The following STUM variants were observed in gnomAD, a reference collection of about 807,000 sequenced individuals.
The protein encoded by STUM is stum, mechanosensory transduction mediator homolog.
In STUM, 8 loss-of-function variants were observed where a neutral mutation model predicts 15.3. That is an observed-to-expected ratio of 0.52 (90% CI 0.31 to 0.94). STUM has a LOEUF of 0.94. Among genes scored for constraint, STUM ranks in the 40% least tolerant of loss-of-function variants. The probability of loss-of-function intolerance (pLI) is 0.05; values close to 1 mark genes in which losing one functional copy is unlikely to be tolerated. For synonymous variants in STUM, 78 were observed against 88.7 expected, an observed-to-expected ratio of 0.88 and a Z score of 0.68; for missense variants, 142 against 204.9, an observed-to-expected ratio of 0.69 and a Z score of 1.87.
At chr1:226,577,266 T>A (rs910178632) in intron 1 of STUM, among the ~76,000 whole-genome samples, 1 of 152,212 alleles carries the variant, frequency 6.6e-6, no homozygotes, top group Admixed American at 6.5e-5. Flanking sequence ...TTCTTGGGAC[T>A]GCTCTCCCTT....
chr1:226,597,854 C>T (rs1187857818), intron 2 of STUM, among the ~76,000 whole-genome samples: 1 of 152,174 alleles, frequency 6.6e-6, no homozygotes, highest in Non-Finnish European at 1.5e-5. Context: ...AGCTGCACTG[C>T]CAGGGTCTCC....
At chr1:226,561,523 G>C (rs1204971716) in intron 1 of STUM, among the ~76,000 whole-genome samples, 1 of 152,174 alleles carries the variant, frequency 6.6e-6, no homozygotes, top group Non-Finnish European at 1.5e-5. Flanking sequence ...GAACAGAGGA[G>C]AGTTGTTGCT....
In STUM at chr1:226,549,499, G is replaced by T. The variant is rs1443091143; in HGVS notation, c.202+393G>T. On this transcript the variant is annotated intron_variant, in intron 1 of 3. Transcript: ENST00000366788. The surrounding 1 kb of genome is among the most constrained non-coding windows in gnomAD (Gnocchi z 6.8). ...CCACTTCCCCGAGAGGAATGGGGTC[G>T]GATCAGAATGAGCTCTAGGGCCTCG... Among the ~76,000 whole-genome samples the T allele has an allele frequency of 6.6e-6, 1 of 152,132 alleles. No homozygotes were observed. Among genetic ancestry groups the T allele is most frequent in the African/African-American group, 2.4e-5 (1 of 41,444 alleles).
chr1:226,573,836 T>C (rs1412729769), intron 1 of STUM, among the ~76,000 whole-genome samples: 1 of 148,312 alleles, frequency 6.7e-6, no homozygotes, highest in East Asian at 2.0e-4. Flanking sequence ...GTGTACAATA[T>C]ACTTTTTTTT....
chr1:226,568,122 C>T (rs547462006), intron 1 of STUM, among the ~76,000 whole-genome samples: 3 of 152,342 alleles, frequency 2.0e-5, no homozygotes, highest in African/African-American at 7.2e-5. Flanking sequence ...CCACTATGCA[C>T]AGTCTCACAC....
chr1:226,585,468 G>A (rs1015607635), intron 1 of STUM, among the ~76,000 whole-genome samples: 1 of 152,166 alleles, frequency 6.6e-6, no homozygotes, highest in Admixed American at 6.5e-5. Context: ...TGTGCGTTTC[G>A]TAGATGGGGA....
At chr1:226,597,700 A>G (rs1456271353) in intron 2 of STUM, among the ~76,000 whole-genome samples, 1 of 152,244 alleles carries the variant, frequency 6.6e-6, no homozygotes, top group Non-Finnish European at 1.5e-5. Flanking sequence ...AAATGGCAGG[A>G]CCAGGGTCAG....
At chr1:226,554,061 C>A (rs1326303674) in intron 1 of STUM, among the ~76,000 whole-genome samples, 1 of 152,204 alleles carries the variant, frequency 6.6e-6, no homozygotes, top group Non-Finnish European at 1.5e-5. Flanking sequence ...CACTGATACC[C>A]GGTTTGGCCA....
chr1:226,601,871 G>T, intron 3 of STUM, 135 bp from the exon 4 acceptor site: 1 of 695,150 alleles, frequency 1.4e-6, no homozygotes, highest in Non-Finnish European at 2.6e-6. Flanking sequence ...GAAAAGTTGT[G>T]CTCTGATGGT....
intron 1 of STUM, among the ~76,000 whole-genome samples, chr1:226,571,153 C>A (rs905799431): frequency 3.3e-5 from 5 of 152,072 alleles, no homozygotes; most frequent in African/African-American, 4.8e-5. Flanking sequence ...TTTGCTTGAA[C>A]CCGGGAGACG....
In STUM at chr1:226,602,814, C is replaced by T. The variant is rs1668292950; in HGVS notation, c.*774C>T. On this transcript the variant is annotated 3_prime_UTR_variant, in exon 4 of 4. Transcript: ENST00000366788. ...AAGCAGGAGTGGGCAGACTAGCAGG[C>T]TTTCACCCAATACTTAACAGCATTT... The T allele has an allele frequency of 6.6e-6, 1 of 152,242 alleles. No homozygotes were observed. Among genetic ancestry groups the T allele is most frequent in the Admixed American group, 6.5e-5 (1 of 15,292 alleles). The allele number at this position is 152,242 out of a possible 1,614,324, so 9.4% of individuals were successfully genotyped here.
chr1:226,557,487 G>A (rs1667464413), intron 1 of STUM, among the ~76,000 whole-genome samples: 1 of 152,164 alleles, frequency 6.6e-6, no homozygotes, highest in African/African-American at 2.4e-5. Flanking sequence ...AATTTTTTGG[G>A]TAAATACCCA....
Position 226,565,084 on chromosome 1 carries a change from A to G in STUM, c.202+15978A>G, listed in dbSNP as rs1485588125. Among the ~76,000 whole-genome samples, 1 of 152,188 alleles carries G rather than the reference A, an allele frequency of 6.6e-6. No homozygotes were observed. The highest frequency in any genetic ancestry group is 2.4e-5 in the African/African-American group (1 of 41,430). On this transcript the variant is annotated intron_variant, in intron 1 of 3. Transcript: ENST00000366788. The surrounding 1 kb of genome is among the most constrained non-coding windows in gnomAD (Gnocchi z 4.4). ...GTCTTAGCCAATGGGAGGCACTGGT[A>G]GGCATGGAGGAAAGGAGGGAGAGTT... is the stretch of plus-strand genomic sequence containing the variant.
Position 226,568,796 on chromosome 1 carries a change from G to A in STUM, c.202+19690G>A, listed in dbSNP as rs145373699. On this transcript the variant is annotated intron_variant, in intron 1 of 3. Coordinates refer to ENST00000366788, the MANE Select transcript of STUM (RefSeq NM_001003665.4). Reference sequence around the variant, plus strand: ...TTCGCCCCTGCGACGTTGCTCTCTGGAGGACACCTCATTGCTCCAGGGACA... The same window carrying A: ...TTCGCCCCTGCGACGTTGCTCTCTGAAGGACACCTCATTGCTCCAGGGACA... Among the ~76,000 whole-genome samples, 462 of 152,388 alleles carry A rather than the reference G, an allele frequency of 3.0e-3. 4 individuals carry two copies. Among genetic ancestry groups the A allele is most frequent in the South Asian group, 0.023 (111 of 4,830 alleles).
intron 1 of STUM, among the ~76,000 whole-genome samples, chr1:226,584,939 C>T (rs1259118726): frequency 2.0e-5 from 3 of 152,128 alleles, no homozygotes; most frequent in African/African-American, 2.4e-5. Flanking sequence ...ACCATTTTTA[C>T]AATATTTTGC....
intron 1 of STUM, 69 bp from the exon 2 acceptor site, chr1:226,596,733 A>G (rs995421107): frequency 1.4e-6 from 2 of 1,421,800 alleles, no homozygotes; most frequent in African/African-American, 1.4e-5. Flanking sequence ...GCCCCAGGCC[A>G]GCAATGAGCA....
chr1:226,569,531 C>T (rs1281925023), intron 1 of STUM, among the ~76,000 whole-genome samples: 3 of 152,220 alleles, frequency 2.0e-5, no homozygotes, highest in Admixed American at 6.5e-5. Context: ...CGGTCCCACA[C>T]TGCAGTTCTC....
At chr1:226,585,102 C>T (rs535200718) in intron 1 of STUM, among the ~76,000 whole-genome samples, 26 of 152,292 alleles carry the variant, frequency 1.7e-4, no homozygotes, top group African/African-American at 2.9e-4. Flanking sequence ...TACCACACTG[C>T]GGCATAGGGA....
intron 1 of STUM, among the ~76,000 whole-genome samples, chr1:226,554,145 G>T (rs1372194353): frequency 1.3e-5 from 2 of 152,216 alleles, no homozygotes; most frequent in Admixed American, 6.5e-5. Flanking sequence ...TTAAGAGGTG[G>T]TGTGAAGTTC....
Sources: allele counts gnomAD v4.1 joint callset (sites outside exome capture counted in the v4.1 genomes callset), GRCh38; gene constraint gnomAD v4.1.1; non-coding constraint Gnocchi (gnomAD v3.1); transcripts MANE v1.5; gene names NCBI Gene and HGNC (gene_info 2026-07-23, HGNC 2026-07-21).